The following NFASC variants were observed in gnomAD, a reference collection of about 807,000 sequenced individuals.
The protein encoded by NFASC is neurofascin homolog.
A neutral mutation model predicts 147.5 loss-of-function variants in NFASC; 43 were observed. That is an observed-to-expected ratio of 0.29 (90% confidence interval 0.23 to 0.38). NFASC has a LOEUF of 0.38. NFASC is among the 10% of genes least tolerant of loss of function. NFASC has a pLI of 1.00. For missense variants in NFASC, 1,320 were observed against 1,689.0 expected (o/e 0.78, Z 3.83); for synonymous variants, 622 against 665.5 (o/e 0.93, Z 1.01).
chr1:204,836,069 T>A (rs1490411498), intron 1 of NFASC, among the ~76,000 whole-genome samples: 1 of 152,196 alleles, frequency 6.6e-6, no homozygotes, highest in Non-Finnish European at 1.5e-5. Flanking sequence ...AAAGCTCCAA[T>A]TTCAGGGTCA....
intron 21 of NFASC, among the ~76,000 whole-genome samples, chr1:204,983,116 T>C (rs768127756): frequency 3.3e-5 from 5 of 152,110 alleles, no homozygotes; most frequent in Non-Finnish European, 7.4e-5. Context: ...GTCATGGATT[T>C]TATGGACCAG....
intron 1 of NFASC, among the ~76,000 whole-genome samples, chr1:204,829,493 C>A (rs1201606278): frequency 6.6e-6 from 1 of 152,152 alleles, no homozygotes; most frequent in Non-Finnish European, 1.5e-5. Flanking sequence ...TCTGGACCCC[C>A]CTTCCCTGGG....
chr1:204,957,650 T>C lies in NFASC; in HGVS notation c.536-6T>C. 6.2e-7 allele frequency: 1 copy of C among 1,613,844 alleles called. No homozygotes were observed. The highest frequency in any genetic ancestry group is 8.5e-7 in the Non-Finnish European group (1 of 1,179,730). ...AACCTGCTGCCGTACCTCTGCTTTC[T>C]TATAGCCATGGAGCCCATCACCCAA... On this transcript the variant is annotated splice_polypyrimidine_tract_variant and splice_region_variant and intron_variant, in intron 7 of 29. Transcript: ENST00000339876.
intron 1 of NFASC, among the ~76,000 whole-genome samples, chr1:204,843,212 G>A (rs539258222): frequency 3.3e-5 from 5 of 152,198 alleles, no homozygotes; most frequent in African/African-American, 4.8e-5. Flanking sequence ...GTGTGTTGGG[G>A]ACAGACCAAT....
intron 1 of NFASC, among the ~76,000 whole-genome samples, chr1:204,905,189 A>G (rs537879083): frequency 6.6e-6 from 1 of 152,306 alleles, no homozygotes; most frequent in African/African-American, 2.4e-5. Context: ...GGCTCGAGTC[A>G]TCCTCCTGCC....
chr1:204,986,044 G>C lies in NFASC; in HGVS notation c.2471-1374G>C. ...TCCCCTACAGTAACTACAAGCTGGA[G>C]ATGGTTGTGGTCAATGGGAGAGGTG... is the stretch of plus-strand genomic sequence containing the variant. On this transcript the variant is annotated intron_variant, in intron 21 of 29. Transcript: ENST00000339876. The surrounding 1 kb of genome is among the most constrained non-coding windows in gnomAD (Gnocchi z 4.2). 6.2e-7 allele frequency: 1 copy of C among 1,614,192 alleles called. No homozygotes were observed. The highest frequency in any genetic ancestry group is 2.2e-5 in the East Asian group (1 of 44,866).
At chr1:205,006,794 A>G (rs567982624) in intron 27 of NFASC, among the ~76,000 whole-genome samples, 3 of 152,308 alleles carry the variant, frequency 2.0e-5, no homozygotes, top group African/African-American at 7.2e-5. Context: ...TGGCAGCAGC[A>G]GGAGAGCTGG....
At chr1:204,834,327 G>A (rs1673069833) in intron 1 of NFASC, among the ~76,000 whole-genome samples, 1 of 152,200 alleles carries the variant, frequency 6.6e-6, no homozygotes, top group South Asian at 2.1e-4. Context: ...CTGTCCCACA[G>A]CCTGTGTTTC....
intron 3 of NFASC, chr1:204,948,638 C>A: frequency 3.9e-6 from 2 of 519,064 alleles, no homozygotes; most frequent in Non-Finnish European, 7.7e-6. Context: ...AGCTGGTTCT[C>A]CTTCTAGCTC....
At chr1:204,893,517 G>A (rs1352615131) in intron 1 of NFASC, among the ~76,000 whole-genome samples, 1 of 152,340 alleles carries the variant, frequency 6.6e-6, no homozygotes, top group Non-Finnish European at 1.5e-5. Flanking sequence ...AGAATACCAA[G>A]AAGTGATCTA....
chr1:204,948,134 A>C (rs2093899309), intron 3 of NFASC, among the ~76,000 whole-genome samples: 1 of 152,270 alleles, frequency 6.6e-6, no homozygotes. Context: ...ACACGAGTAA[A>C]GAAACCTCGC....
rs192253236 is a variant in NFASC, at chr1:204,969,336, C to T, written c.1003+354C>T. Among the ~76,000 whole-genome samples, 234 of 152,302 alleles carry T rather than the reference C, an allele frequency of 1.5e-3. 1 individual carries two copies. Among genetic ancestry groups the T allele is most frequent in the African/African-American group, 5.1e-3 (213 of 41,558 alleles). On this transcript the variant is annotated intron_variant, in intron 10 of 29. Transcript: ENST00000339876. ...CCGTTTGTGATGTGTCACGTGAGCC[C>T]GTGCTGTCTGTGTACCTATGCATGA...
intron 1 of NFASC, among the ~76,000 whole-genome samples, chr1:204,904,876 C>T (rs1558046432): frequency 9.6e-6 from 1 of 104,712 alleles, no homozygotes; most frequent in African/African-American, 4.7e-5. Flanking sequence ...CCTTTTCTTC[C>T]TATTCATCCA....
intron 1 of NFASC, among the ~76,000 whole-genome samples, chr1:204,830,688 G>A (rs7551936): frequency 0.24 from 36,098 of 151,352 alleles, 6,897 homozygotes; most frequent in East Asian, 0.78. Context: ...AATTATGCCA[G>A]TAAGGAAAGA....
intron 1 of NFASC, among the ~76,000 whole-genome samples, chr1:204,831,711 G>A (rs1195805173): frequency 6.6e-6 from 1 of 151,988 alleles, no homozygotes; most frequent in Non-Finnish European, 1.5e-5. Flanking sequence ...CTGGGGTGAT[G>A]TTTGGGGTGG....
chr1:204,836,341 T>G (rs746045944), intron 1 of NFASC, among the ~76,000 whole-genome samples: 1 of 152,214 alleles, frequency 6.6e-6, no homozygotes, highest in Non-Finnish European at 1.5e-5. Flanking sequence ...GCCAAATTAT[T>G]TGAGAATAAC....
intron 10 of NFASC, among the ~76,000 whole-genome samples, chr1:204,970,079 A>C (rs1430284736): frequency 6.7e-6 from 1 of 148,868 alleles, no homozygotes; most frequent in Admixed American, 6.6e-5. Flanking sequence ...CATCTCAAAA[A>C]AAAAAAAAAA....
At chr1:204,962,460 GA>G (rs1244562212) in intron 8 of NFASC, among the ~76,000 whole-genome samples, 1 of 152,238 alleles carries the variant, frequency 6.6e-6, no homozygotes, top group African/African-American at 2.4e-5. Flanking sequence ...TGAAAAAGTA[GA>G]AGCTTAGGAA....
At position 204,987,545 on chromosome 1, in the gene NFASC, G is replaced by A. The variant is rs907639569; in HGVS notation, c.2593+5G>A. The stretch of plus-strand genomic sequence containing the variant: ...ACACTCTCAAATATGTGGCCTGTAC[G>A]TTCTGCCCTTCCCTTTCTCTTAGAT... On this transcript the variant is annotated splice_donor_5th_base_variant and intron_variant, in intron 22 of 29. Transcript: ENST00000339876. The surrounding 1 kb of genome is among the most constrained non-coding windows in gnomAD (Gnocchi z 4.4). 4 of 1,613,830 alleles carry A rather than the reference G, an allele frequency of 2.5e-6. No homozygotes were observed. The highest frequency in any genetic ancestry group is 1.7e-5 in the Admixed American group (1 of 59,992).
Sources: allele counts gnomAD v4.1 joint callset (sites outside exome capture counted in the v4.1 genomes callset), GRCh38; gene constraint gnomAD v4.1.1; non-coding constraint Gnocchi (gnomAD v3.1); transcripts MANE v1.5; gene names NCBI Gene and HGNC (gene_info 2026-07-23, HGNC 2026-07-21).